Variants in SMG6 observed in about 807,000 individuals in gnomAD.
SMG6 encodes telomerase-binding protein EST1A.
A neutral mutation model predicts 142.2 loss-of-function variants in SMG6; 66 were observed. That is an observed-to-expected ratio of 0.46 (90% CI 0.38 to 0.57). SMG6 has a LOEUF of 0.57. SMG6 is among the 20% of genes least tolerant of loss of function. The pLI is 0.00. For synonymous variants in SMG6, 779 were observed against 702.4 expected (o/e 1.11, Z -1.72); for missense variants, 1,793 against 1,832.0 (o/e 0.98, Z 0.39).
intron 10 of SMG6, among the ~76,000 whole-genome samples, chr17:2,206,519 C>T (rs998376872): frequency 3.3e-5 from 5 of 152,028 alleles, no homozygotes; most frequent in Admixed American, 1.3e-4. Context: ...TTCAAGGCTG[C>T]GGTGAGCTAT....
intron 11 of SMG6, 93 bp downstream of exon 11, chr17:2,188,306 G>A (rs149085574): frequency 0.02 from 19,791 of 996,450 alleles, 241 homozygotes; most frequent in Middle Eastern, 0.032. Flanking sequence ...AGACTACAGG[G>A]AGAAGACACC....
At chr17:2,081,696 T>G in intron 15 of SMG6, 114 bp downstream of exon 15, 1 of 1,265,298 alleles carries the variant, frequency 7.9e-7, no homozygotes, top group Non-Finnish European at 1.1e-6. Context: ...GAGAGAACAC[T>G]GCAGGACTGA....
rs1567724249 is a variant in SMG6, at chr17:2,257,981, CCTGGGCGACAAAGCGAGACTCTGTCGCA to C, written c.2662-13290_2662-13263del. ...CTGAGATCATGCCACTGGACTCCAGCCTGGGCGACAAAGCGAGACTCTGTCGCAAAAAAAAAAAAAAAAAAAAAAAAAA... is the reference window on the plus strand; with the variant it reads ...CTGAGATCATGCCACTGGACTCCAGCAAAAAAAAAAAAAAAAAAAAAAAAA... On this transcript the variant is annotated intron_variant, in intron 8 of 18. Coordinates refer to ENST00000263073, the MANE Select transcript of SMG6 (RefSeq NM_017575.5). Among the ~76,000 whole-genome samples, 12 of 141,926 alleles carry C rather than the reference CCTGGGCGACAAAGCGAGACTCTGTCGCA, an allele frequency of 8.5e-5. No individual in the cohort carries two copies. In the South Asian group the frequency reaches 2.7e-3, roughly 32 times the overall value. The allele number at this position is 141,926 out of a possible 152,430, so 93.1% of individuals were successfully genotyped here.
chr17:2,194,101 A>G (rs2072246095), intron 10 of SMG6, among the ~76,000 whole-genome samples: 1 of 152,150 alleles, frequency 6.6e-6, no homozygotes, highest in African/African-American at 2.4e-5. Context: ...AGAAGAGACC[A>G]TTTCTAAGGT....
chr17:2,129,013 A>C (rs2070009337), intron 13 of SMG6, among the ~76,000 whole-genome samples: 1 of 152,206 alleles, frequency 6.6e-6, no homozygotes. Flanking sequence ...GGGAGAGTAC[A>C]CTGGACTATT....
intron 13 of SMG6, among the ~76,000 whole-genome samples, chr17:2,169,229 T>C (rs1406637093): frequency 6.6e-6 from 1 of 151,654 alleles, no homozygotes; most frequent in Non-Finnish European, 1.5e-5. Context: ...GGAGGATTGC[T>C]TGTGCGCAGG....
chr17:2,148,934 C>T (rs2070746669), intron 13 of SMG6, among the ~76,000 whole-genome samples: 2 of 151,550 alleles, frequency 1.3e-5, no homozygotes, highest in African/African-American at 4.9e-5. Flanking sequence ...GGAATGGAGA[C>T]TTATTATTTC....
At chr17:2,297,536 C>T (rs2075169612) in intron 3 of SMG6, among the ~76,000 whole-genome samples, 183 bp from the exon 4 acceptor site, 1 of 151,912 alleles carries the variant, frequency 6.6e-6, no homozygotes, top group Admixed American at 6.6e-5. Flanking sequence ...GTCAAAGCCT[C>T]CATGGTTTTA....
At chr17:2,175,433 C>T (rs1436513779) in intron 12 of SMG6, among the ~76,000 whole-genome samples, 2 of 152,044 alleles carry the variant, frequency 1.3e-5, no homozygotes, top group Non-Finnish European at 2.9e-5. Flanking sequence ...CCTCTCTCAT[C>T]CTCCCACCCC....
chr17:2,183,270 GA>G (rs1056658211), intron 12 of SMG6, among the ~76,000 whole-genome samples: 1 of 138,736 alleles, frequency 7.2e-6, no homozygotes, highest in African/African-American at 2.6e-5. Flanking sequence ...GAAAAAGAAA[GA>G]AAAAAGAAAG....
chr17:2,225,204 G>A (rs893762163), intron 10 of SMG6, among the ~76,000 whole-genome samples: 2 of 151,960 alleles, frequency 1.3e-5, no homozygotes, highest in African/African-American at 2.4e-5. Context: ...AAGGCCAGGC[G>A]CAGTGGCTCA....
intron 13 of SMG6, among the ~76,000 whole-genome samples, chr17:2,128,928 CTT>C (rs1192138524): frequency 6.6e-6 from 1 of 151,606 alleles, no homozygotes; most frequent in Non-Finnish European, 1.5e-5. Flanking sequence ...GAGTAAAAAC[CTT>C]TAAGAAAATG....
Position 2,300,049 on chromosome 17 carries a change from C to A in SMG6, c.704G>T (p.Arg235Leu), listed in dbSNP as rs150759893. The change falls in exon 2 of 19, where the codon CGC (arginine) becomes CTC (leucine). Residue 235 changes from arginine to leucine, a missense_variant. Around this residue, in one of 3 missense-constraint regions of SMG6, gnomAD observed 1,597 missense variants for 1,584.6 expected, o/e 1.01. Coordinates refer to ENST00000263073, the MANE Select transcript of SMG6 (RefSeq NM_017575.5). ...GCGCTTTGCGGAGCCCGGCCTCCCG[C>A]GGGCTGGGTCGTCGTGGGTTTCCCT... ...GVRETHDDPA[R>L]GRPGSAKRYS... 3.1e-6 allele frequency: 5 copies of A among 1,614,198 alleles called. No homozygotes were observed. In the South Asian group the frequency reaches 3.3e-5, roughly 11 times the overall value.
chr17:2,100,308 A>C (rs1250683781), intron 13 of SMG6, among the ~76,000 whole-genome samples: 2 of 152,088 alleles, frequency 1.3e-5, no homozygotes, highest in African/African-American at 4.8e-5. Flanking sequence ...AAAGTGTTCA[A>C]GTACAGGAGT....
rs537653319 is a variant in SMG6, at chr17:2,095,661, C to T, written c.3358-9760G>A. ...GCCCCTCCCCGGCTGCCATGACCTG[C>T]GGTACTCAGGAAGGCAGAATTCTCA... On this transcript the variant is annotated intron_variant, in intron 13 of 18. Transcript: ENST00000263073. Among the ~76,000 whole-genome samples, 25 of 152,242 alleles carry T rather than the reference C, an allele frequency of 1.6e-4. 1 individual carries two copies. In the South Asian group the frequency reaches 3.5e-3, roughly 21 times the overall value.
At position 2,065,633 on chromosome 17, in the gene SMG6, G is replaced by A; in HGVS notation, c.3882C>T (p.His1294=). The part of the protein sequence containing the change: ...DGLAKGQETD[H]RAGGYARVVQ... ...CCACACGGGCGTAGCCCCCAGCCCG[G>A]TGGTCTGTCTCCTGCCCCTTGGCCA... is the stretch of plus-strand genomic sequence containing the variant. Residue 1294 remains histidine, a synonymous_variant, in exon 17 of 19, where the codon CAC becomes CAT. Transcript: ENST00000263073. 6.2e-7 allele frequency: 1 copy of A among 1,613,900 alleles called. No individual in the cohort carries two copies. The highest frequency in any genetic ancestry group is 1.1e-5 in the South Asian group (1 of 91,088).
At chr17:2,136,365 T>C (rs975988586) in intron 13 of SMG6, among the ~76,000 whole-genome samples, 1 of 152,210 alleles carries the variant, frequency 6.6e-6, no homozygotes, top group Non-Finnish European at 1.5e-5. Flanking sequence ...TAGACAAATG[T>C]GGCTAGTGAC....
At chr17:2,116,645 G>A (rs2069515001) in intron 13 of SMG6, among the ~76,000 whole-genome samples, 1 of 152,080 alleles carries the variant, frequency 6.6e-6, no homozygotes. Flanking sequence ...TTACTCAGGA[G>A]GCTGAGGCAG....
At chr17:2,091,120 A>G (rs1597370376) in intron 13 of SMG6, among the ~76,000 whole-genome samples, 1 of 152,244 alleles carries the variant, frequency 6.6e-6, no homozygotes, top group South Asian at 2.1e-4. Flanking sequence ...CCTCAGAGGA[A>G]ACTGAAGGGT....
Sources: gnomAD v4.1 joint callset for allele counts (sites outside exome capture counted in the v4.1 genomes callset) on GRCh38, gnomAD v4.1.1 for gene constraint, gnomAD v4.1.1 regional missense constraint, MANE v1.5 for transcripts, NCBI Gene and HGNC (gene_info 2026-07-23, HGNC 2026-07-21) for gene names.